SETDB1: variants seen among roughly 807,000 people sequenced by gnomAD.
SETDB1 encodes SET domain bifurcated histone lysine methyltransferase 1, also known as histone-lysine N-methyltransferase SETDB1.
Under a neutral mutation model 137.4 loss-of-function variants are expected in SETDB1, and 31 were observed. The observed-to-expected ratio is 0.23, with a 90% CI of 0.17 to 0.30. The LOEUF is 0.30. Ranked by LOEUF, SETDB1 falls within the 10% of genes least tolerant of loss-of-function variation. SETDB1 has a pLI of 1.00. For missense variants in SETDB1, 1,113 were observed against 1,631.5 expected (o/e 0.68, Z 5.47); for synonymous variants, 548 against 579.9 (o/e 0.95, Z 0.79).
intron 3 of SETDB1, among the ~76,000 whole-genome samples, chr1:150,931,346 G>A (rs946450078): frequency 2.0e-5 from 3 of 149,126 alleles, no homozygotes; most frequent in Admixed American, 6.8e-5. Flanking sequence ...AGCACTTTGG[G>A]AGGCCAAGGA....
chr1:150,935,771 TTTAAC>T (rs1669927134), intron 3 of SETDB1, among the ~76,000 whole-genome samples: 1 of 152,200 alleles, frequency 6.6e-6, no homozygotes, highest in Non-Finnish European at 1.5e-5. Flanking sequence ...CATTTAACCT[TTTAAC>T]TTAATTTCCT....
At chr1:150,935,001 A>G (rs1476457823) in intron 3 of SETDB1, among the ~76,000 whole-genome samples, 1 of 152,090 alleles carries the variant, frequency 6.6e-6, no homozygotes, top group Admixed American at 6.6e-5. Context: ...TTGTCTTTTT[A>G]GTAGAGACAG....
intron 8 of SETDB1, among the ~76,000 whole-genome samples, chr1:150,944,433 G>T (rs1041234795): frequency 5.9e-5 from 9 of 152,206 alleles, no homozygotes; most frequent in African/African-American, 2.2e-4. Context: ...TGGCTTGGGA[G>T]CAGACTCCTA....
At chr1:150,928,217 C>T (rs1669602393) in intron 2 of SETDB1, 1 of 488,518 alleles carries the variant, frequency 2.0e-6, no homozygotes, top group Non-Finnish European at 3.7e-6. Context: ...GCCACCACAC[C>T]CAGCTAATTT....
At chr1:150,928,468 G>C (rs978283747) in intron 2 of SETDB1, among the ~76,000 whole-genome samples, 1 of 152,154 alleles carries the variant, frequency 6.6e-6, no homozygotes, top group Non-Finnish European at 1.5e-5. Flanking sequence ...CTCTATCTTA[G>C]AACAATTGCT....
chr1:150,958,305 G>A (rs1361153174), intron 14 of SETDB1, among the ~76,000 whole-genome samples: 10 of 131,446 alleles, frequency 7.6e-5, no homozygotes, highest in African/African-American at 1.7e-4. Flanking sequence ...AGATTGGAGT[G>A]CAGTGGCTTG....
chr1:150,932,387 A>G (rs2102646886), intron 3 of SETDB1, among the ~76,000 whole-genome samples: 1 of 152,228 alleles, frequency 6.6e-6, no homozygotes, highest in South Asian at 2.1e-4. Flanking sequence ...GTTTGTATGG[A>G]ATGATATTTC....
In SETDB1 at chr1:150,945,119, T is replaced by A; in HGVS notation, c.1140+11T>A. On this transcript the variant is annotated intron_variant, in intron 9 of 21. Coordinates refer to ENST00000692827, the MANE Select transcript of SETDB1 (RefSeq NM_001366418.1). ...AGGATCCTCTTCCTGGTACTGTTCT[T>A]CTCTACAATTTTGGAGGCAGAGGTT... 3.1e-6 allele frequency: 5 copies of A among 1,613,956 alleles called. No homozygotes were observed. The South Asian group carries it at 5.5e-5, about 18-fold the overall frequency.
In SETDB1 at chr1:150,942,885, A is replaced by G. The variant is rs2271075; in HGVS notation, c.707A>G (p.Asn236Ser). ...AAGAAATACAAGGTGAAATTTGACA[A>G]CAAAGGAAAGAGTCTACTGTCGGGG... ...PGKKYKVKFD[N>S]KGKSLLSGNH... Residue 236 changes from asparagine to serine, a missense_variant, in exon 7 of 22, where the codon AAC becomes AGC. Asn to Ser is a conservative substitution (Grantham distance 46, BLOSUM62 1). Transcript: ENST00000692827. The G allele has an allele frequency of 2.7e-5, 44 of 1,614,208 alleles. No individual in the cohort carries two copies. In the East Asian group the frequency reaches 9.6e-4, roughly 35 times the overall value.
intron 3 of SETDB1, among the ~76,000 whole-genome samples, chr1:150,931,953 C>G (rs1449667997): frequency 6.6e-6 from 1 of 151,848 alleles, no homozygotes; most frequent in Admixed American, 6.6e-5. Context: ...TTCCTTTTGT[C>G]TTTTATCATA....
intron 1 of SETDB1, among the ~76,000 whole-genome samples, chr1:150,927,367 C>A (rs1669563032): frequency 6.6e-6 from 1 of 152,138 alleles, no homozygotes; most frequent in African/African-American, 2.4e-5. Flanking sequence ...CTCAAGCGAC[C>A]CTCCTGCCTC....
At chr1:150,931,336 A>AGCACTTTG (rs922526534) in intron 3 of SETDB1, among the ~76,000 whole-genome samples, 1 of 148,390 alleles carries the variant, frequency 6.7e-6, no homozygotes. Flanking sequence ...CTGTAATCCC[A>AGCACTTTG]GCACTTTGGG....
intron 15 of SETDB1, 62 bp from the exon 16 acceptor site, chr1:150,960,500 AC>A: frequency 1.7e-5 from 24 of 1,385,882 alleles, no homozygotes; most frequent in Middle Eastern, 1.9e-4. Context: ...AAAAAAGCAA[AC>A]AAAAAAAAAA....
rs587725783 is a variant in SETDB1 at position 150,952,160 on chromosome 1, A to C, written c.2333+679A>C. Among the ~76,000 whole-genome samples, 3 of 152,054 alleles carry C rather than the reference A, an allele frequency of 2.0e-5. No individual in the cohort carries two copies. In the South Asian group the frequency reaches 6.2e-4, roughly 32 times the overall value. On this transcript the variant is annotated intron_variant, in intron 14 of 21. Transcript: ENST00000692827. Reference sequence around the variant, plus strand: ...CGAGACTCTGCCTTAAAAAAAAAAAAAGAAAAGTTAGAATCAAATTCATGG... The same window carrying C: ...CGAGACTCTGCCTTAAAAAAAAAAACAGAAAAGTTAGAATCAAATTCATGG...
rs1670242050 is a variant in SETDB1, at chr1:150,943,932, C to T, written c.888C>T (p.Phe296=). The change falls in exon 8 of 22, where the codon TTC becomes TTT. Residue 296 remains phenylalanine (F), a synonymous_variant. Transcript: ENST00000692827. ...NVKNKLRFLI[F]FDDGYASYVT... is the part of the protein sequence containing the mutation. ...TCTTCTTTTATAGGTTTCTCATTTT[C>T]TTTGATGATGGCTATGCTTCCTATG... The T allele has an allele frequency of 6.2e-7, 1 of 1,611,154 alleles. No homozygotes were observed. The highest frequency in any genetic ancestry group is 8.5e-7 in the Non-Finnish European group (1 of 1,177,482).
Position 150,933,368 on chromosome 1 carries a change from C to CTTTTTTTTTTTTTTTTTTT in SETDB1, c.412+3267_412+3268insTTTTTTTTTTTTTTTTTTT, listed in dbSNP as rs71090112. Among the ~76,000 whole-genome samples, 75 of 118,842 alleles carry CTTTTTTTTTTTTTTTTTTT rather than the reference C, an allele frequency of 6.3e-4. 4 individuals are homozygous for CTTTTTTTTTTTTTTTTTTT. The highest frequency in any genetic ancestry group is 9.0e-4 in the South Asian group (3 of 3,320). The allele number at this position is 118,842 out of a possible 152,430, so 78.0% of individuals were successfully genotyped here. ...AGCTACCATGCCTGGCCTATTTTGT[C>CTTTTTTTTTTTTTTTTTTT]TTTTTTTTTTTTTTTTTGAGACAGT... On this transcript the variant is annotated intron_variant, in intron 3 of 21. Coordinates refer to ENST00000692827, the MANE Select transcript of SETDB1 (RefSeq NM_001366418.1).
At chr1:150,939,627 A>AT (rs587692582) in intron 3 of SETDB1, among the ~76,000 whole-genome samples, 9 of 149,364 alleles carry the variant, frequency 6.0e-5, no homozygotes, top group African/African-American at 1.7e-4. Flanking sequence ...GCCTGGCCTA[A>AT]TTTTTTTTTT....
At chr1:150,941,198 A>G (rs1670139099) in intron 4 of SETDB1, 131 bp from the exon 5 acceptor site, 4 of 588,174 alleles carry the variant, frequency 6.8e-6, no homozygotes, top group Non-Finnish European at 1.2e-5. Flanking sequence ...TGCCAGATAA[A>G]GTAACCATAA....
chr1:150,928,797 A>G (rs1374571519), intron 2 of SETDB1, among the ~76,000 whole-genome samples: 1 of 144,190 alleles, frequency 6.9e-6, no homozygotes, highest in Non-Finnish European at 1.5e-5. Flanking sequence ...TCCTGTGTCC[A>G]GGTGTTCTCA....
Sources: gnomAD v4.1 joint callset for allele counts (sites outside exome capture counted in the v4.1 genomes callset) on GRCh38, gnomAD v4.1.1 for gene constraint, MANE v1.5 for transcripts, NCBI Gene and HGNC (gene_info 2026-07-23, HGNC 2026-07-21) for gene names.